ZNF385D: variants seen among roughly 807,000 people sequenced by gnomAD.
ZNF385D encodes the protein zinc finger protein 659.
A neutral mutation model predicts 35.8 loss-of-function variants in ZNF385D; 15 were observed. The ratio of observed to expected loss-of-function variants is 0.42; its 90% CI spans 0.28 to 0.64. The LOEUF (loss-of-function observed/expected upper bound fraction) is 0.64, where lower values mean the gene tolerates loss of function less well. ZNF385D is among the 30% of genes least tolerant of loss of function. The pLI is 0.23. For missense variants in ZNF385D, 474 were observed against 494.6 expected, an observed-to-expected ratio of 0.96 and a Z score of 0.39; for synonymous variants, 212 against 186.8, an observed-to-expected ratio of 1.13 and a Z score of -1.10.
intron 4 of ZNF385D, among the ~76,000 whole-genome samples, chr3:21,487,787 C>T (rs1165010107): frequency 6.6e-6 from 1 of 152,090 alleles, no homozygotes; most frequent in Non-Finnish European, 1.5e-5. Flanking sequence ...AAGTACCTAA[C>T]TTCTGTGTTC....
intron 2 of ZNF385D, among the ~76,000 whole-genome samples, chr3:22,357,385 T>C (rs1696202843): frequency 6.6e-6 from 1 of 151,882 alleles, no homozygotes; most frequent in African/African-American, 2.4e-5. Context: ...TCACTTATAA[T>C]CAAGCAAATA....
chr3:21,688,754 A>G (rs7615960), intron 1 of ZNF385D, among the ~76,000 whole-genome samples: 8 of 152,154 alleles, frequency 5.3e-5, no homozygotes, highest in African/African-American at 1.7e-4. Context: ...CAAGCTCTAT[A>G]ATTTTTAAAA....
At chr3:22,080,521 A>T (rs772469334) in intron 3 of ZNF385D, among the ~76,000 whole-genome samples, 3 of 152,144 alleles carry the variant, frequency 2.0e-5, no homozygotes, top group African/African-American at 7.2e-5. Context: ...CACTCAGTAT[A>T]TAACAGTTAT....
chr3:21,476,594 C>T (rs1704265904), intron 4 of ZNF385D, among the ~76,000 whole-genome samples: 1 of 151,982 alleles, frequency 6.6e-6, no homozygotes, highest in South Asian at 2.1e-4. Context: ...TAGAATTATA[C>T]TCTCCATTAC....
chr3:22,169,059 A>G lies in ZNF385D; in HGVS notation c.107-24T>C, dbSNP rs535305931. 46 of 969,724 alleles carry G rather than the reference A, an allele frequency of 4.7e-5. 1 individual carries two copies. In the South Asian group the frequency reaches 1.9e-3, roughly 40 times the overall value. The allele number at this position is 969,724 out of a possible 1,614,324, so 60.1% of individuals were successfully genotyped here. A position where few individuals can be genotyped will look rare whatever the true frequency, so the allele number is the denominator to read the frequency against. ...ATCTGAGGGTGCAAGGAAAATTATG[A>G]ACAAGCAGATCAAGATTTTTAGATT... On this transcript the variant is annotated intron_variant, in intron 2 of 5. Coordinates refer to the ZNF385D transcript ENST00000494108.
chr3:22,236,043 G>A (rs1438240221), intron 2 of ZNF385D, among the ~76,000 whole-genome samples: 3 of 151,956 alleles, frequency 2.0e-5, no homozygotes, highest in Non-Finnish European at 2.9e-5. Context: ...GATTGTAACA[G>A]CAAGGAATTT....
intron 2 of ZNF385D, among the ~76,000 whole-genome samples, chr3:22,348,485 TAAA>T (rs1168729541): frequency 1.3e-3 from 110 of 84,872 alleles, no homozygotes; most frequent in African/African-American, 6.0e-3. Context: ...CCATCTCTAC[TAAA>T]AAAAAAAAAA....
chr3:21,924,802 A>G (rs1002346812), intron 3 of ZNF385D, among the ~76,000 whole-genome samples: 8 of 152,046 alleles, frequency 5.3e-5, no homozygotes, highest in African/African-American at 1.9e-4. Context: ...TCCCCCTCCC[A>G]CACAAAATTA....
At chr3:22,237,265 C>T (rs1047721461) in intron 2 of ZNF385D, among the ~76,000 whole-genome samples, 2 of 152,142 alleles carry the variant, frequency 1.3e-5, no homozygotes, top group Non-Finnish European at 2.9e-5. Context: ...CTTCCATTTA[C>T]CTAATTTTAA....
chr3:21,439,444 ATAT>A (rs1358911031), intron 4 of ZNF385D, among the ~76,000 whole-genome samples: 1 of 152,030 alleles, frequency 6.6e-6, no homozygotes, highest in Non-Finnish European at 1.5e-5. Flanking sequence ...GTAAATACAG[ATAT>A]TATATTTAAA....
rs1470397257 is a variant in ZNF385D at position 21,724,018 on chromosome 3, G to A, written c.22+26877C>T. Among the ~76,000 whole-genome samples the A allele has an allele frequency of 2.0e-5, 3 of 152,224 alleles. No individual in the cohort carries two copies. The East Asian group carries it at 5.8e-4, about 30-fold the overall frequency. On this transcript the variant is annotated intron_variant, in intron 1 of 7. Coordinates refer to ENST00000281523, the MANE Select transcript of ZNF385D (RefSeq NM_024697.3). ...ATTCAACATTCTCAAAGAAAAGAAT[G>A]TTCAAGCTAGAATTTCATATCCAGC...
intron 3 of ZNF385D, among the ~76,000 whole-genome samples, chr3:21,976,692 G>A (rs1300110962): frequency 6.6e-6 from 1 of 152,078 alleles, no homozygotes. Context: ...AAATTATTTT[G>A]CACTGAGAAA....
At chr3:21,841,445 A>T (rs1695667473) in intron 3 of ZNF385D, among the ~76,000 whole-genome samples, 1 of 151,900 alleles carries the variant, frequency 6.6e-6, no homozygotes, top group South Asian at 2.1e-4. Context: ...TTTTAAAAAA[A>T]GTCAGACTAC....
At chr3:22,166,699 T>C (rs542853707) in intron 3 of ZNF385D, among the ~76,000 whole-genome samples, 55 of 152,380 alleles carry the variant, frequency 3.6e-4, no homozygotes, top group Non-Finnish European at 5.9e-4. Context: ...TCATACCTAC[T>C]ATCGTGGTTT....
chr3:22,033,094 G>T (rs758777123), intron 3 of ZNF385D, among the ~76,000 whole-genome samples: 1 of 152,050 alleles, frequency 6.6e-6, no homozygotes, highest in Non-Finnish European at 1.5e-5. Context: ...ATGCTGCGAG[G>T]TCAAAGAGTA....
intron 3 of ZNF385D, among the ~76,000 whole-genome samples, chr3:22,016,318 A>G (rs1696881021): frequency 6.6e-6 from 1 of 152,194 alleles, no homozygotes; most frequent in East Asian, 1.9e-4. Context: ...ACCCTCAGCA[A>G]AGATTTACCT....
At chr3:21,882,386 A>G (rs1016685043) in intron 3 of ZNF385D, among the ~76,000 whole-genome samples, 2 of 149,050 alleles carry the variant, frequency 1.3e-5, no homozygotes, top group African/African-American at 5.0e-5. Flanking sequence ...GATTGTAAGC[A>G]TTTTTTAGTA....
intron 2 of ZNF385D, among the ~76,000 whole-genome samples, chr3:21,623,733 A>C (rs1397686519): frequency 1.3e-5 from 2 of 152,118 alleles, no homozygotes; most frequent in Admixed American, 6.6e-5. Context: ...TCACTACAGT[A>C]TATGGTATGG....
intron 4 of ZNF385D, among the ~76,000 whole-genome samples, chr3:21,494,365 T>A (rs1308734636): frequency 1.3e-5 from 2 of 152,292 alleles, no homozygotes; most frequent in South Asian, 2.1e-4. Context: ...GAATAGTATT[T>A]ACACCAAAAT....
Sources: gnomAD v4.1 joint callset for allele counts (sites outside exome capture counted in the v4.1 genomes callset) on GRCh38, gnomAD v4.1.1 for gene constraint, MANE v1.5 for transcripts, NCBI Gene and HGNC (gene_info 2026-07-23, HGNC 2026-07-21) for gene names.